The following PTK2B variants were observed in gnomAD, a reference collection of about 807,000 sequenced individuals.
The protein encoded by PTK2B is protein tyrosine kinase 2 beta.
In PTK2B, 71 loss-of-function variants were observed where a neutral mutation model predicts 142.9. The observed-to-expected ratio is 0.50, with a 90% CI of 0.41 to 0.61. The LOEUF (loss-of-function observed/expected upper bound fraction) is 0.61, where lower values mean the gene tolerates loss of function less well. Among genes scored for constraint, PTK2B ranks in the 20% least tolerant of loss-of-function variants. The pLI is 0.00. For missense variants in PTK2B, 1,105 were observed against 1,320.4 expected, an observed-to-expected ratio of 0.84 and a Z score of 2.53; for synonymous variants, 519 against 503.4, an observed-to-expected ratio of 1.03 and a Z score of -0.42.
intron 24 of PTK2B, among the ~76,000 whole-genome samples, chr8:27,450,069 A>C (rs1476503466): frequency 6.6e-6 from 1 of 152,188 alleles, no homozygotes; most frequent in Non-Finnish European, 1.5e-5. Context: ...CTCTTAGCTC[A>C]TGCATTTCTC....
Position 27,379,591 on chromosome 8 carries a change from C to G in PTK2B, c.-37-17957C>G, listed in dbSNP as rs529722907. 5.9e-5 allele frequency among the ~76,000 whole-genome samples: 9 copies of G among 152,276 alleles called. 1 individual carries two copies. In the South Asian group the frequency reaches 1.7e-3, roughly 28 times the overall value. ...TACAACTCAGCTGTAACCATAGGAG[C>G]ACATTTCCATAGATAATTTGCATAT... On this transcript the variant is annotated intron_variant, in intron 1 of 30. Transcript: ENST00000346049.
Position 27,431,378 on chromosome 8 carries a change from C to T in PTK2B, c.811-20C>T, listed in dbSNP as rs766986518. On this transcript the variant is annotated intron_variant, in intron 8 of 30. Coordinates refer to ENST00000346049, the MANE Select transcript of PTK2B (RefSeq NM_173176.3). ...GGGAGGACAGCTCTGGAACAACAGTCCACTCTCCTTTTATTCCAGCAAGGA... is the reference window on the plus strand; with the variant it reads ...GGGAGGACAGCTCTGGAACAACAGTTCACTCTCCTTTTATTCCAGCAAGGA... 6.2e-7 allele frequency: 1 copy of T among 1,614,178 alleles called. No individual in the cohort carries two copies. The highest frequency in any genetic ancestry group is 2.2e-5 in the East Asian group (1 of 44,888).
intron 1 of PTK2B, chr8:27,396,406 T>G (rs966737091): frequency 6.6e-6 from 1 of 152,194 alleles, no homozygotes; most frequent in African/African-American, 2.4e-5. Flanking sequence ...AGTCTCTTCT[T>G]AGAAAGGGGA....
rs73572012 is a variant in PTK2B at position 27,439,523 on chromosome 8, T to G, written c.1834+125T>G. The G allele has an allele frequency of 2.1e-3, 2,276 of 1,078,012 alleles. 35 individuals carry two copies. In the African/African-American group the frequency reaches 0.032, roughly 15 times the overall value. The allele number at this position is 1,078,012 out of a possible 1,614,324, so 66.8% of individuals were successfully genotyped here. ...CTCCGTTCCCAGGGTTCTATTTTGC[T>G]GTGGCCACTGAGAAGTCTCAGAGGT... On this transcript the variant is annotated intron_variant, in intron 20 of 30. Transcript: ENST00000346049.
chr8:27,424,608 T>G (rs1362758523), intron 5 of PTK2B, among the ~76,000 whole-genome samples: 1 of 152,228 alleles, frequency 6.6e-6, no homozygotes, highest in Non-Finnish European at 1.5e-5. Context: ...AATAGAAGAT[T>G]TGCAGGTCTA....
chr8:27,409,306 A>G (rs949901612), intron 2 of PTK2B, among the ~76,000 whole-genome samples: 1 of 152,178 alleles, frequency 6.6e-6, no homozygotes, highest in Admixed American at 6.5e-5. Context: ...ACCTTATCAC[A>G]GGGAGTCAGG....
intron 17 of PTK2B, 91 bp downstream of exon 17, chr8:27,437,587 G>A: frequency 7.7e-7 from 1 of 1,292,318 alleles, no homozygotes; most frequent in Non-Finnish European, 1.1e-6. Flanking sequence ...TGACTTCTGT[G>A]TTCCACTGAA....
rs190811801 is a variant in PTK2B at position 27,409,482 on chromosome 8, G to A, written c.205-10413G>A. Among the ~76,000 whole-genome samples, 317 of 152,258 alleles carry A rather than the reference G, an allele frequency of 2.1e-3. 1 individual carries two copies. Among genetic ancestry groups the A allele is most frequent in the Non-Finnish European group, 4.2e-3 (283 of 68,016 alleles). On this transcript the variant is annotated intron_variant, in intron 2 of 30. Transcript: ENST00000346049. ...AGCAAGAGCATGCTGTGTTGGGGGCGAAGAAAGAGAGCAACTTTGGAGACC... is the reference window on the plus strand; with the variant it reads ...AGCAAGAGCATGCTGTGTTGGGGGCAAAGAAAGAGAGCAACTTTGGAGACC...
intron 2 of PTK2B, among the ~76,000 whole-genome samples, chr8:27,402,361 A>C (rs1355507249): frequency 6.6e-6 from 1 of 152,148 alleles, no homozygotes; most frequent in Non-Finnish European, 1.5e-5. Context: ...CCAGTTTTGG[A>C]CCTGTGGAGT....
chr8:27,394,438 A>C (rs530419543), intron 1 of PTK2B, among the ~76,000 whole-genome samples: 74 of 152,376 alleles, frequency 4.9e-4, no homozygotes, highest in African/African-American at 1.7e-3. Flanking sequence ...TAGGAAAGGT[A>C]CAGTAAAAAT....
intron 25 of PTK2B, 39 bp downstream of exon 25, chr8:27,450,934 T>A (rs779520117): frequency 6.2e-7 from 1 of 1,613,960 alleles, no homozygotes; most frequent in Admixed American, 1.7e-5. Flanking sequence ...CCTGCACCCA[T>A]CTGTGTCCTC....
intron 3 of PTK2B, among the ~76,000 whole-genome samples, chr8:27,315,054 A>G (rs1034740037): frequency 7.2e-5 from 11 of 152,258 alleles, no homozygotes; most frequent in South Asian, 4.1e-4. Context: ...GCTTGCAAGT[A>G]GGGTAAAATC....
At chr8:27,352,365 C>T (rs1478414040) in intron 1 of PTK2B, among the ~76,000 whole-genome samples, 1 of 152,162 alleles carries the variant, frequency 6.6e-6, no homozygotes, top group South Asian at 2.1e-4. Flanking sequence ...AACATGTGTT[C>T]CTGCAAAAAA....
At chr8:27,370,020 T>C (rs1277050752) in intron 1 of PTK2B, among the ~76,000 whole-genome samples, 3 of 152,216 alleles carry the variant, frequency 2.0e-5, no homozygotes, top group Non-Finnish European at 2.9e-5. Flanking sequence ...TCAGAGCTGG[T>C]CCAGCATTCT....
intron 1 of PTK2B, among the ~76,000 whole-genome samples, chr8:27,354,287 G>C (rs1004172431): frequency 3.9e-5 from 6 of 152,160 alleles, no homozygotes; most frequent in African/African-American, 1.4e-4. Flanking sequence ...AACCCCCACA[G>C]CCAAAAGGGT....
chr8:27,310,733 G>A, upstream of PTK2B: 1 of 1,483,060 alleles, frequency 6.7e-7, no homozygotes, highest in East Asian at 2.4e-5. Flanking sequence ...AGGGGCGGGA[G>A]CCGCAGAGCC....
chr8:27,357,682 A>C (rs1423906245), intron 1 of PTK2B, among the ~76,000 whole-genome samples: 1 of 152,168 alleles, frequency 6.6e-6, no homozygotes, highest in African/African-American at 2.4e-5. Context: ...TGAAGAGGAG[A>C]TCTGAGTGAG....
Position 27,363,432 on chromosome 8 carries a change from GT to G in PTK2B, c.-37-34110del, listed in dbSNP as rs1347337790. ...AGATTTGGGATGAATATAAAGGAAG[GT>G]TTTTTAATAATTAGAGCTCCGAGCA... On this transcript the variant is annotated intron_variant, in intron 1 of 30. Coordinates refer to ENST00000346049, the MANE Select transcript of PTK2B (RefSeq NM_173176.3). This position sits in a 1 kb window ranked among gnomAD's most constrained non-coding sequence, Gnocchi z 4.3. 6.6e-6 allele frequency among the ~76,000 whole-genome samples: 1 copy of G among 152,122 alleles called. No homozygotes were observed. Among genetic ancestry groups the G allele is most frequent in the Non-Finnish European group, 1.5e-5 (1 of 68,018 alleles).
rs1221406990 is a variant in PTK2B, at chr8:27,434,499, C to T, written c.1146-14C>T. 2 of 1,608,510 alleles carry T rather than the reference C, an allele frequency of 1.2e-6. No individual in the cohort carries two copies. The highest frequency in any genetic ancestry group is 1.7e-6 in the Non-Finnish European group (2 of 1,177,498). On this transcript the variant is annotated splice_polypyrimidine_tract_variant and intron_variant, in intron 12 of 30. Transcript: ENST00000346049. ...TCTGAGCTCACCTGGCTTCTGCTCT[C>T]TCACCTCCTACAGAAACCTGGAGGC...
Sources: gnomAD v4.1 joint callset for allele counts (sites outside exome capture counted in the v4.1 genomes callset) on GRCh38, gnomAD v4.1.1 for gene constraint, Gnocchi (gnomAD v3.1) non-coding constraint, MANE v1.5 for transcripts, NCBI Gene and HGNC (gene_info 2026-07-23, HGNC 2026-07-21) for gene names.